Variants in SMC1B observed in about 807,000 individuals in gnomAD.
SMC1B encodes the protein structural maintenance of chromosomes 1B.
A neutral mutation model predicts 157.9 loss-of-function variants in SMC1B; 60 were observed. That is an observed-to-expected ratio of 0.38 (90% confidence interval 0.31 to 0.47). The LOEUF is 0.47. Among genes scored for constraint, SMC1B ranks in the 20% least tolerant of loss-of-function variants. SMC1B has a pLI of 0.99. For missense variants in SMC1B, 1,165 were observed against 1,426.2 expected (o/e 0.82, Z 2.95); for synonymous variants, 445 against 483.0 (o/e 0.92, Z 1.03).
intron 2 of SMC1B, among the ~76,000 whole-genome samples, chr22:45,408,502 G>T (rs1230900659): frequency 6.6e-6 from 1 of 152,156 alleles, no homozygotes; most frequent in Non-Finnish European, 1.5e-5. Flanking sequence ...AATTATGTCA[G>T]TTAAGGAAAA....
chr22:45,408,618 GAAT>G, intron 2 of SMC1B, 89 bp downstream of exon 2: 2 of 817,266 alleles, frequency 2.4e-6, no homozygotes, highest in East Asian at 2.8e-5. Flanking sequence ...TACACCAGTA[GAAT>G]AATAAACCAT....
chr22:45,370,055 T>C lies in SMC1B; in HGVS notation c.2319A>G (p.Glu773=). 1 of 1,512,388 alleles carries C rather than the reference T, an allele frequency of 6.6e-7. No homozygotes were observed. The highest frequency in any genetic ancestry group is 9.0e-7 in the Non-Finnish European group (1 of 1,114,420). The allele number at this position is 1,512,388 out of a possible 1,614,324, so 93.7% of individuals were successfully genotyped here. The change falls in exon 15 of 25, where the codon GAA becomes GAG. Residue 773 remains glutamate (E), a synonymous_variant. Transcript: ENST00000357450. ...CACAGAAGTGTTGGAAGATATCGTCTTCTACCTTTTAAATTATTTTAAAAC... is the reference window on the plus strand; with the variant it reads ...CACAGAAGTGTTGGAAGATATCGTCCTCTACCTTTTAAATTATTTTAAAAC... ...KEFQEKIDKV[E]DDIFQHFCEE...
intron 5 of SMC1B, among the ~76,000 whole-genome samples, chr22:45,401,413 G>A (rs938207676): frequency 2.0e-5 from 3 of 152,222 alleles, no homozygotes; most frequent in African/African-American, 7.2e-5. Context: ...TAGAAAAGGG[G>A]TACTCAGAAG....
At chr22:45,412,571 T>A (rs1985587) in intron 1 of SMC1B, among the ~76,000 whole-genome samples, 85,760 of 140,274 alleles carry the variant, frequency 0.61, 27,825 homozygotes, top group African/African-American at 0.85. Flanking sequence ...CAATGGCGTG[T>A]CCTTGGCTCA....
In SMC1B at chr22:45,402,286, C is replaced by T; in HGVS notation, c.854+47G>A. Reference sequence around the variant, plus strand: ...GTGTCACTTATATTATTCCCTCTATCAAGCTACATATAACCCAACTGTTAA... The same window carrying T: ...GTGTCACTTATATTATTCCCTCTATTAAGCTACATATAACCCAACTGTTAA... On this transcript the variant is annotated intron_variant, in intron 5 of 24. Transcript: ENST00000357450. 6.4e-6 allele frequency: 8 copies of T among 1,241,112 alleles called. No homozygotes were observed. In the South Asian group the frequency reaches 1.1e-4, roughly 17 times the overall value. 76.9% of individuals were successfully genotyped at this position (1,241,112 alleles called of 1,614,324 possible). A position where few individuals can be genotyped will look rare whatever the true frequency, so the allele number is the denominator to read the frequency against.
chr22:45,380,401 A>G lies in SMC1B; in HGVS notation c.2058+3066T>C, dbSNP rs948576444. ...CCTTAGAGAAATTTTCTTGTTTTTA[A>G]TTTTCTCCTTCTCTATGTTCTTTTC... On this transcript the variant is annotated intron_variant, in intron 12 of 24. Coordinates refer to ENST00000357450, the MANE Select transcript of SMC1B (RefSeq NM_148674.5). Among the ~76,000 whole-genome samples the G allele has an allele frequency of 2.0e-5, 3 of 151,880 alleles. No individual in the cohort carries two copies. In the East Asian group the frequency reaches 5.8e-4, roughly 29 times the overall value.
At chr22:45,374,090 GTTTTTTTTTTTTT>G (rs35971057) in intron 12 of SMC1B, among the ~76,000 whole-genome samples, 1 of 85,514 alleles carries the variant, frequency 1.2e-5, no homozygotes, top group African/African-American at 5.2e-5. Context: ...AACAAAGACG[GTTTTTTTTTTTTT>G]TTTTTTTTTT....
At chr22:45,409,367 T>G (rs1384519722) in intron 1 of SMC1B, among the ~76,000 whole-genome samples, 1 of 152,004 alleles carries the variant, frequency 6.6e-6, no homozygotes, top group African/African-American at 2.4e-5. Context: ...AATTCGAGAC[T>G]AGCCTGGCCA....
intron 1 of SMC1B, among the ~76,000 whole-genome samples, chr22:45,410,205 T>C (rs1202882536): frequency 6.6e-6 from 1 of 152,226 alleles, no homozygotes; most frequent in Non-Finnish European, 1.5e-5. Context: ...AGTCAAACTA[T>C]ATGTAGAATC....
Position 45,393,665 on chromosome 22 carries a change from T to G in SMC1B, c.1514A>C (p.Glu505Ala). Residue 505 changes from glutamate to alanine, a missense_variant, in exon 9 of 25, where the codon GAA becomes GCA. Coordinates refer to ENST00000357450, the MANE Select transcript of SMC1B (RefSeq NM_148674.5). The part of the protein sequence containing the change: ...KRQQKRAEVL[E>A]HLKRLYPDSV... ...ATCTGGGTACAGTCTTTTAAGGTGT[T>G]CCAGAACCTCTGCTCTCTTTTGCTG... The G allele has an allele frequency of 6.2e-7, 1 of 1,614,094 alleles. No individual in the cohort carries two copies. Among genetic ancestry groups the G allele is most frequent in the South Asian group, 1.1e-5 (1 of 91,070 alleles).
intron 24 of SMC1B, among the ~76,000 whole-genome samples, chr22:45,345,129 T>A (rs979077161): frequency 6.6e-6 from 1 of 152,242 alleles, no homozygotes; most frequent in Non-Finnish European, 1.5e-5. Context: ...ACAGTGCATT[T>A]GTTTTTGCTT....
At chr22:45,408,316 G>A (rs1038772165) in intron 2 of SMC1B, among the ~76,000 whole-genome samples, 6 of 152,046 alleles carry the variant, frequency 3.9e-5, no homozygotes, top group African/African-American at 1.2e-4. Flanking sequence ...TAGTAGAGAC[G>A]GGGTTTCATC....
rs2086529778 is a variant in SMC1B, at chr22:45,344,450, G to A, written c.*106C>T. On this transcript the variant is annotated 3_prime_UTR_variant, in exon 25 of 25. Coordinates refer to ENST00000357450, the MANE Select transcript of SMC1B (RefSeq NM_148674.5). ...GAACGACTAAGGTTTCTCTTAAAGG[G>A]TGCACCAGGCTGGTCCTGCTTGCTC... 5.4e-6 allele frequency: 4 copies of A among 743,852 alleles called. No homozygotes were observed. The highest frequency in any genetic ancestry group is 5.1e-5 in the East Asian group (2 of 38,936). The allele number at this position is 743,852 out of a possible 1,614,324, so 46.1% of individuals were successfully genotyped here.
Position 45,359,855 on chromosome 22 carries a change from T to C in SMC1B, c.2812A>G (p.Ile938Val). Reference sequence around the variant, plus strand: ...GACCCCGACAAAAGGATTATCTCAATGTCTTGCACTTTGCAATCAAGCAGC... The same window carrying C: ...GACCCCGACAAAAGGATTATCTCAACGTCTTGCACTTTGCAATCAAGCAGC... ...NLLLDCKVQD[I>V]EIILLSGSLD... The change falls in exon 18 of 25, where the codon ATT (isoleucine) becomes GTT (valine). Residue 938 changes from isoleucine (I) to valine (V), a missense_variant. Ile to Val is a conservative substitution (Grantham distance 29). Coordinates refer to ENST00000357450, the MANE Select transcript of SMC1B (RefSeq NM_148674.5). 1 of 1,613,902 alleles carries C rather than the reference T, an allele frequency of 6.2e-7. No homozygotes were observed.
rs151313702 is a variant in SMC1B at position 45,379,658 on chromosome 22, C to T, written c.2058+3809G>A. ...TTTGCTGAGTTAGTTTAGCACTATTCGTTTATTATAATTAGGTCTATTCTA... is the reference window on the plus strand; with the variant it reads ...TTTGCTGAGTTAGTTTAGCACTATTTGTTTATTATAATTAGGTCTATTCTA... On this transcript the variant is annotated intron_variant, in intron 12 of 24. Coordinates refer to ENST00000357450, the MANE Select transcript of SMC1B (RefSeq NM_148674.5). 1.9e-3 allele frequency among the ~76,000 whole-genome samples: 278 copies of T among 149,452 alleles called. 1 individual carries two copies. Among genetic ancestry groups the T allele is most frequent in the African/African-American group, 6.6e-3 (269 of 40,496 alleles).
intron 24 of SMC1B, 61 bp downstream of exon 24, chr22:45,345,398 G>T: frequency 1.0e-6 from 1 of 973,398 alleles, no homozygotes; most frequent in South Asian, 1.4e-5. Flanking sequence ...CCCAGTGGCT[G>T]TCAGGGTACT....
intron 23 of SMC1B, among the ~76,000 whole-genome samples, chr22:45,348,539 A>G (rs1031570464): frequency 6.6e-6 from 1 of 152,192 alleles, no homozygotes; most frequent in Non-Finnish European, 1.5e-5. Flanking sequence ...CTAATTCCCA[A>G]TATCTAGATT....
intron 1 of SMC1B, among the ~76,000 whole-genome samples, chr22:45,411,559 C>T (rs1171298247): frequency 5.3e-5 from 8 of 152,094 alleles, no homozygotes; most frequent in Non-Finnish European, 7.4e-5. Flanking sequence ...AACCACTGAA[C>T]GGTGCATTTT....
chr22:45,409,742 G>A (rs968384039), intron 1 of SMC1B, among the ~76,000 whole-genome samples: 11 of 152,128 alleles, frequency 7.2e-5, no homozygotes, highest in African/African-American at 9.7e-5. Flanking sequence ...TACTTACAAG[G>A]TTGGCTGGCT....
Sources: allele counts gnomAD v4.1 joint callset (sites outside exome capture counted in the v4.1 genomes callset), GRCh38; gene constraint gnomAD v4.1.1; transcripts MANE v1.5; gene names NCBI Gene and HGNC (gene_info 2026-07-23, HGNC 2026-07-21).